The following LHPP variants were observed in gnomAD, a reference collection of about 807,000 sequenced individuals.
The protein encoded by LHPP is phospholysine phosphohistidine inorganic pyrophosphate phosphatase.
LHPP carries 24 observed loss-of-function variants against 30.3 expected under a neutral mutation model. That is an observed-to-expected ratio of 0.79 (90% CI 0.57 to 1.11). The LOEUF (loss-of-function observed/expected upper bound fraction) is 1.11. Ranked by LOEUF, LHPP falls within the 50% of genes most tolerant of loss-of-function variation. The pLI is 0.00. For missense variants in LHPP, 356 were observed against 367.2 expected (o/e 0.97, Z 0.25); for synonymous variants, 150 against 157.1 (o/e 0.95, Z 0.34).
intron 6 of LHPP, among the ~76,000 whole-genome samples, chr10:124,520,783 GT>G (rs763143815): frequency 6.6e-6 from 1 of 152,232 alleles, no homozygotes; most frequent in Non-Finnish European, 1.5e-5. Flanking sequence ...GTCAGACACA[GT>G]AGCGGCGAGC....
intron 6 of LHPP, among the ~76,000 whole-genome samples, chr10:124,550,658 G>C (rs952372341): frequency 3.9e-5 from 6 of 152,316 alleles, no homozygotes; most frequent in African/African-American, 1.4e-4. Flanking sequence ...GCACACAGGC[G>C]TGTCCCCCGT....
intron 1 of LHPP, among the ~76,000 whole-genome samples, chr10:124,465,643 C>T (rs1952532379): frequency 6.7e-6 from 1 of 150,212 alleles, no homozygotes; most frequent in African/African-American, 2.5e-5. Context: ...CTCACTGCAG[C>T]CTCTGCCTCC....
At chr10:124,587,339 C>T (rs1948817504) in intron 6 of LHPP, among the ~76,000 whole-genome samples, 1 of 152,016 alleles carries the variant, frequency 6.6e-6, no homozygotes, top group African/African-American at 2.4e-5. Flanking sequence ...CCGGCCTCCA[C>T]TTTCTGTGGT....
chr10:124,569,450 G>T (rs1023345985), intron 6 of LHPP, among the ~76,000 whole-genome samples: 1 of 152,180 alleles, frequency 6.6e-6, no homozygotes, highest in African/African-American at 2.4e-5. Flanking sequence ...TGGGCCAGGC[G>T]CTGAGTTCTG....
At chr10:124,514,321 C>T (rs12413427) in intron 5 of LHPP, among the ~76,000 whole-genome samples, 33,129 of 152,132 alleles carry the variant, frequency 0.22, 3,723 homozygotes, top group Middle Eastern at 0.36. Context: ...GTATTTCCAG[C>T]TATTGTCATT....
chr10:124,586,046 A>T (rs1948800397), intron 6 of LHPP, among the ~76,000 whole-genome samples: 2 of 151,962 alleles, frequency 1.3e-5, no homozygotes, highest in Non-Finnish European at 2.9e-5. Context: ...GACCTCCCAA[A>T]GTGCTGGGAT....
At chr10:124,564,875 T>C (rs779509763) in intron 6 of LHPP, among the ~76,000 whole-genome samples, 4 of 152,214 alleles carry the variant, frequency 2.6e-5, no homozygotes, top group Admixed American at 6.5e-5. Context: ...CTGGATGAGA[T>C]TGGAGACTAT....
At position 124,496,301 on chromosome 10, in the gene LHPP, G is replaced by A. The variant is rs557810641; in HGVS notation, c.468-660G>A. Among the ~76,000 whole-genome samples, 11 of 152,276 alleles carry A rather than the reference G, an allele frequency of 7.2e-5. No individual in the cohort carries two copies. Among genetic ancestry groups the A allele is most frequent in the South Asian group, 4.1e-4 (2 of 4,822 alleles). ...ACGCGATCGTAGGGTGAGCCTGGCCGGGCTGCAGCCAGCCACCAAGCCAGC... is the reference window on the plus strand; with the variant it reads ...ACGCGATCGTAGGGTGAGCCTGGCCAGGCTGCAGCCAGCCACCAAGCCAGC... On this transcript the variant is annotated intron_variant, in intron 3 of 6. Coordinates refer to ENST00000368842, the MANE Select transcript of LHPP (RefSeq NM_022126.4). The surrounding 1 kb of genome is among the most constrained non-coding windows in gnomAD (Gnocchi z 4.3).
At chr10:124,598,959 A>G (rs182143692) in intron 6 of LHPP, among the ~76,000 whole-genome samples, 2 of 145,000 alleles carry the variant, frequency 1.4e-5, no homozygotes, top group East Asian at 2.1e-4. Context: ...ATCTCCATCT[A>G]TCCATCTCTG....
At position 124,592,232 on chromosome 10, in the gene LHPP, C is replaced by T; in HGVS notation, c.717-21032C>T. ...ATATGCCAGGTTCTGTGTATCACAT[C>T]TCTCACCAGGAAGGCAAAACCTGGC... On this transcript the variant is annotated intron_variant, in intron 6 of 6. Coordinates refer to ENST00000368842, the MANE Select transcript of LHPP (RefSeq NM_022126.4). This position sits in a 1 kb window ranked among gnomAD's most constrained non-coding sequence, Gnocchi z 6.2. Among the ~76,000 whole-genome samples, 1 of 152,250 alleles carries T rather than the reference C, an allele frequency of 6.6e-6. No homozygotes were observed. Among genetic ancestry groups the T allele is most frequent in the Admixed American group, 6.5e-5 (1 of 15,286 alleles).
At chr10:124,525,896 G>T (rs578227869) in intron 6 of LHPP, among the ~76,000 whole-genome samples, 22 of 152,330 alleles carry the variant, frequency 1.4e-4, no homozygotes, top group Non-Finnish European at 2.4e-4. Flanking sequence ...TGCCGCCTGT[G>T]GGAAAACCGG....
intron 6 of LHPP, among the ~76,000 whole-genome samples, chr10:124,527,781 T>TTG (rs1554887275): frequency 7.9e-5 from 12 of 151,482 alleles, no homozygotes; most frequent in Admixed American, 3.9e-4. Flanking sequence ...GCTTTTTTTT[T>TTG]TTTGTTTTTT....
At chr10:124,528,687 T>C (rs1234920765) in intron 6 of LHPP, among the ~76,000 whole-genome samples, 1 of 152,164 alleles carries the variant, frequency 6.6e-6, no homozygotes, top group Non-Finnish European at 1.5e-5. Context: ...ATCTCTATGG[T>C]CCCCACTGCC....
intron 6 of LHPP, among the ~76,000 whole-genome samples, chr10:124,570,335 A>G (rs961574262): frequency 6.6e-6 from 1 of 152,096 alleles, no homozygotes; most frequent in Non-Finnish European, 1.5e-5. Context: ...GCCAGAATTC[A>G]CCCAGTGCCT....
intron 6 of LHPP, among the ~76,000 whole-genome samples, chr10:124,585,569 C>T (rs527371004): frequency 1.1e-3 from 166 of 150,724 alleles, no homozygotes; most frequent in African/African-American, 3.8e-3. Flanking sequence ...GAGCTGAGAT[C>T]GCGCCATCAC....
At chr10:124,563,492 T>C (rs1427428782) in intron 6 of LHPP, among the ~76,000 whole-genome samples, 2 of 152,004 alleles carry the variant, frequency 1.3e-5, no homozygotes, top group African/African-American at 4.8e-5. Context: ...AAACAGATAC[T>C]GTTGGATGGG....
chr10:124,565,531 C>G (rs1948472862), intron 6 of LHPP, among the ~76,000 whole-genome samples: 1 of 152,134 alleles, frequency 6.6e-6, no homozygotes, highest in Admixed American at 6.5e-5. Flanking sequence ...ATTTTTAAAT[C>G]AATAGCTGTG....
intron 5 of LHPP, among the ~76,000 whole-genome samples, chr10:124,503,889 G>C (rs138107925): frequency 2.6e-5 from 4 of 152,136 alleles, no homozygotes; most frequent in African/African-American, 9.6e-5. Flanking sequence ...TTAAAAATCA[G>C]TATTTAAAAG....
At chr10:124,489,454 GTA>G (rs566931946) in intron 3 of LHPP, among the ~76,000 whole-genome samples, 3 of 151,870 alleles carry the variant, frequency 2.0e-5, no homozygotes, top group African/African-American at 7.2e-5. Context: ...TGGCTATCTT[GTA>G]TATATATATA....
Sources: gnomAD v4.1 joint callset for allele counts (sites outside exome capture counted in the v4.1 genomes callset) on GRCh38, gnomAD v4.1.1 for gene constraint, Gnocchi (gnomAD v3.1) non-coding constraint, MANE v1.5 for transcripts, NCBI Gene and HGNC (gene_info 2026-07-23, HGNC 2026-07-21) for gene names.